The following RNPEP variants were observed in gnomAD, a reference collection of about 807,000 sequenced individuals.
RNPEP encodes arginyl aminopeptidase.
In RNPEP, 57 loss-of-function variants were observed where a neutral mutation model predicts 70.1. That is an observed-to-expected ratio of 0.81 (90% CI 0.66 to 1.01). The LOEUF (loss-of-function observed/expected upper bound fraction) is 1.01, where lower values mean the gene tolerates loss of function less well. Among genes scored for constraint, RNPEP ranks in the 50% least tolerant of loss-of-function variants. The probability of loss-of-function intolerance (pLI) is 0.00; values close to 1 mark genes in which losing one functional copy is unlikely to be tolerated. For missense variants in RNPEP, 787 were observed against 852.4 expected (o/e 0.92, Z 0.96); for synonymous variants, 335 against 357.4 (o/e 0.94, Z 0.71).
At position 201,982,998 on chromosome 1, in the gene RNPEP, A is replaced by G; in HGVS notation, c.332A>G (p.Tyr111Cys). The change falls in exon 1 of 11, where the codon TAC (tyrosine) becomes TGC (cysteine). Residue 111 changes from tyrosine (Y) to cysteine (C), a missense_variant. By Grantham distance (194) the Tyr-to-Cys change is radical. Coordinates refer to ENST00000295640, the MANE Select transcript of RNPEP (RefSeq NM_020216.4). ...CCGCCTGCGGAGCCCGTGAGCTTCT[A>G]CACGCAGCCCTTCTCGCACTATGGC... ...EEPPAEPVSF[Y>C]TQPFSHYGQA... The G allele has an allele frequency of 6.6e-7, 1 of 1,520,902 alleles. No homozygotes were observed. Among genetic ancestry groups the G allele is most frequent in the African/African-American group, 1.4e-5 (1 of 69,284 alleles). The allele number at this position is 1,520,902 out of a possible 1,614,324, so 94.2% of individuals were successfully genotyped here.
At chr1:201,984,829 T>TTTTC (rs1683073916) in intron 1 of RNPEP, among the ~76,000 whole-genome samples, 2 of 12,874 alleles carry the variant, frequency 1.6e-4, no homozygotes, top group Admixed American at 6.4e-4. Context: ...TTCTTTTTTT[T>TTTTC]TTTTTTTTTT....
At chr1:201,983,876 A>C (rs960892110) in intron 1 of RNPEP, 19 of 997,576 alleles carry the variant, frequency 1.9e-5, no homozygotes, top group Admixed American at 5.7e-5. Context: ...GCTGCCAGTT[A>C]TCTCTCAGGT....
Position 202,005,662 on chromosome 1 carries a change from CCA to C in RNPEP, c.1902_1903del (p.His634GlnfsTer35). ...CTTTTGCATCCACCGCCTCCCAGCT[CCA>C]CAGCAATGTTGTCAACTATGTCCAG... is the stretch of plus-strand genomic sequence containing the variant. The part of the protein sequence containing the change: ...ETFASTASQL[H>X]SNVVNYVQQI... On this transcript the variant is annotated frameshift_variant, in exon 11 of 11. Transcript: ENST00000295640. LOFTEE classifies it high-confidence loss of function. 3 of 1,614,250 alleles carry C rather than the reference CCA, an allele frequency of 1.9e-6. No homozygotes were observed. Among genetic ancestry groups the C allele is most frequent in the Non-Finnish European group, 2.5e-6 (3 of 1,180,050 alleles).
rs776401116 is a variant in RNPEP, at chr1:201,988,928, A to G, written c.472A>G (p.Thr158Ala). ...GGTTTGCTGGTTGGCTCCCGAGCAG[A>G]CAGCAGGAAAGAAGAAGCCCTTCGT... ...PGVCWLAPEQ[T>A]AGKKKPFVYT... The change falls in exon 2 of 11, where the codon ACA (threonine) becomes GCA (alanine). Residue 158 changes from threonine (T) to alanine (A), a missense_variant. Thr to Ala is a moderately conservative substitution (Grantham distance 58). Coordinates refer to ENST00000295640, the MANE Select transcript of RNPEP (RefSeq NM_020216.4). 6.2e-7 allele frequency: 1 copy of G among 1,612,556 alleles called. No individual in the cohort carries two copies. The highest frequency in any genetic ancestry group is 8.5e-7 in the Non-Finnish European group (1 of 1,179,324).
rs760347394 is a variant in RNPEP at position 201,983,074 on chromosome 1, C to A, written c.408C>A (p.Leu136=). 1.3e-6 allele frequency: 2 copies of A among 1,524,906 alleles called. No homozygotes were observed. Among genetic ancestry groups the A allele is most frequent in the Admixed American group, 2.1e-5 (1 of 47,582 alleles). The allele number at this position is 1,524,906 out of a possible 1,614,324, so 94.5% of individuals were successfully genotyped here. ...AGCCCTGCCGCGCCGCCGAGCGCCT[C>A]CAGGTGCTGCTCACCTACCGCGTCG... ...FPQPCRAAER[L]QVLLTYRVGE... is the part of the protein sequence containing the mutation. The change falls in exon 1 of 11, where the codon CTC becomes CTA. Residue 136 remains leucine, a synonymous_variant. Transcript: ENST00000295640.
chr1:201,991,461 C>T (rs1683332892), intron 3 of RNPEP, among the ~76,000 whole-genome samples: 1 of 152,202 alleles, frequency 6.6e-6, no homozygotes, highest in Non-Finnish European at 1.5e-5. Context: ...TGCCACCTAT[C>T]CCAGTCCCTG....
chr1:201,996,049 C>T (rs755053051), intron 3 of RNPEP, 98 bp from the exon 4 acceptor site: 43 of 872,792 alleles, frequency 4.9e-5, no homozygotes, highest in Middle Eastern at 5.8e-4. Flanking sequence ...TTGTCACATT[C>T]ACTTGGCGGA....
chr1:201,982,674 G>C lies in RNPEP; in HGVS notation c.8G>C (p.Ser3Thr), dbSNP rs1165892231. MA[S>T]GEHSPGSGAA... ...AGCAACGGCTCTGCGGCCATGGCGA[G>C]CGGCGAGCATTCCCCCGGCAGCGGC... Residue 3 changes from serine (S) to threonine (T), a missense_variant, in exon 1 of 11, where the codon AGC becomes ACC. Physicochemically the swap from Ser to Thr is moderately conservative, Grantham distance 58. Coordinates refer to ENST00000295640, the MANE Select transcript of RNPEP (RefSeq NM_020216.4). 3.6e-6 allele frequency: 5 copies of C among 1,375,646 alleles called. No homozygotes were observed. The highest frequency in any genetic ancestry group is 3.8e-6 in the Non-Finnish European group (4 of 1,059,994). 85.2% of individuals were successfully genotyped at this position (1,375,646 alleles called of 1,614,324 possible).
intron 5 of RNPEP, 88 bp downstream of exon 5, chr1:201,997,642 C>G: frequency 9.8e-7 from 1 of 1,018,184 alleles, no homozygotes; most frequent in Non-Finnish European, 1.5e-6. Flanking sequence ...TTTCAGAATA[C>G]AAGTGGGTGT....
chr1:201,997,624 T>G, intron 5 of RNPEP, 70 bp downstream of exon 5: 1 of 1,208,558 alleles, frequency 8.3e-7, no homozygotes, highest in Non-Finnish European at 1.2e-6. Context: ...TGTGATCTCC[T>G]TATGGGGTTT....
intron 4 of RNPEP, 146 bp from the exon 5 acceptor site, chr1:201,997,173 T>A: frequency 1.5e-6 from 1 of 660,070 alleles, no homozygotes; most frequent in Non-Finnish European, 2.7e-6. Context: ...AGCCTGGGCT[T>A]TATTTTCCGC....
chr1:201,985,696 T>A (rs6702334), intron 1 of RNPEP, among the ~76,000 whole-genome samples: 38,926 of 152,196 alleles, frequency 0.26, 5,397 homozygotes, highest in Non-Finnish European at 0.32. Flanking sequence ...TGATATATTA[T>A]TAACCAAGAT....
chr1:202,001,620 G>A (rs4131469), intron 7 of RNPEP, 39 bp from the exon 8 acceptor site: 628,479 of 1,515,302 alleles, frequency 0.41, 135,724 homozygotes, highest in Non-Finnish European at 0.45. Flanking sequence ...CACTCCCCAC[G>A]GGGCCAGAGA....
In RNPEP at chr1:202,005,954, G is replaced by C; in HGVS notation, c.*238G>C. ...CCCACAGCTCTCCCCGCTACAGGCT[G>C]CAGGCACTGCAGGGCAGCGGGTATT... On this transcript the variant is annotated 3_prime_UTR_variant, in exon 11 of 11. Transcript: ENST00000295640. 1 of 518,924 alleles carries C rather than the reference G, an allele frequency of 1.9e-6. No individual in the cohort carries two copies. The highest frequency in any genetic ancestry group is 3.5e-6 in the Non-Finnish European group (1 of 289,316). The allele number at this position is 518,924 out of a possible 1,614,324, so 32.1% of individuals were successfully genotyped here. A position where few individuals can be genotyped will look rare whatever the true frequency, so the allele number is the denominator to read the frequency against.
At chr1:201,989,238 A>T in intron 2 of RNPEP, 145 bp from the exon 3 acceptor site, 1 of 1,212,058 alleles carries the variant, frequency 8.3e-7, no homozygotes, top group Non-Finnish European at 1.2e-6. Context: ...TTGAGCACAG[A>T]TTTAGTTTCT....
In RNPEP at chr1:201,989,546, C is replaced by T; in HGVS notation, c.737+15C>T. The T allele has an allele frequency of 1.9e-6, 3 of 1,613,912 alleles. No individual in the cohort carries two copies. Among genetic ancestry groups the T allele is most frequent in the East Asian group, 2.2e-5 (1 of 44,886 alleles). The stretch of plus-strand genomic sequence containing the variant: ...GTTGGACCCAGGTAGGAGACAAAGA[C>T]CCCACAGGCAAGGTTGGATTGGCCT... On this transcript the variant is annotated intron_variant, in intron 3 of 10. Coordinates refer to ENST00000295640, the MANE Select transcript of RNPEP (RefSeq NM_020216.4).
At chr1:202,005,008 C>T (rs1019043926) in intron 10 of RNPEP, among the ~76,000 whole-genome samples, 2 of 152,160 alleles carry the variant, frequency 1.3e-5, no homozygotes, top group African/African-American at 4.8e-5. Context: ...GGACCGGAGA[C>T]GAAGCATTGC....
intron 1 of RNPEP, chr1:201,983,855 C>T (rs1035168624): frequency 7.0e-6 from 7 of 1,005,476 alleles, no homozygotes; most frequent in Admixed American, 5.6e-5. Flanking sequence ...CTGGAGAGTC[C>T]TTAGGCTGTG....
chr1:201,986,832 G>A (rs564569113), intron 1 of RNPEP, among the ~76,000 whole-genome samples: 4 of 152,024 alleles, frequency 2.6e-5, no homozygotes, highest in African/African-American at 9.6e-5. Flanking sequence ...GAGCCACTGC[G>A]CCCAGCCAAA....
Sources: allele counts gnomAD v4.1 joint callset (sites outside exome capture counted in the v4.1 genomes callset), GRCh38; gene constraint gnomAD v4.1.1; transcripts MANE v1.5; gene names NCBI Gene and HGNC (gene_info 2026-07-23, HGNC 2026-07-21).